ALCAM: variants seen among roughly 807,000 people sequenced by gnomAD.
The protein encoded by ALCAM is activated leukocyte cell adhesion molecule.
ALCAM carries 30 observed loss-of-function variants against 70.9 expected under a neutral mutation model. The ratio of observed to expected loss-of-function variants is 0.42; its 90% CI spans 0.32 to 0.57. The LOEUF (loss-of-function observed/expected upper bound fraction) is 0.57. ALCAM is among the 20% of genes least tolerant of loss of function. The pLI is 0.11. For synonymous variants in ALCAM, 249 were observed against 242.5 expected (o/e 1.03, Z -0.25); for missense variants, 591 against 695.1 (o/e 0.85, Z 1.68).
intron 2 of ALCAM, 93 bp downstream of exon 2, chr3:105,520,260 A>G (rs964526613): frequency 1.1e-6 from 1 of 899,342 alleles, no homozygotes; most frequent in Non-Finnish European, 1.8e-6. Context: ...AATTAACCTA[A>G]ATGCAATATT....
intron 14 of ALCAM, among the ~76,000 whole-genome samples, chr3:105,565,253 T>C (rs1321518525): frequency 6.6e-6 from 1 of 152,230 alleles, no homozygotes; most frequent in Non-Finnish European, 1.5e-5. Flanking sequence ...CCTTTCTTCA[T>C]AAGACTCCTG....
chr3:105,541,817 C>T (rs749259179), intron 8 of ALCAM, 52 bp downstream of exon 8: 15 of 1,589,598 alleles, frequency 9.4e-6, no homozygotes, highest in South Asian at 1.1e-5. Context: ...CTTCTAATAG[C>T]TTAATGTAGC....
At chr3:105,500,162 A>G (rs1420002468) in intron 1 of ALCAM, among the ~76,000 whole-genome samples, 1 of 151,764 alleles carries the variant, frequency 6.6e-6, no homozygotes, top group African/African-American at 2.4e-5. Flanking sequence ...ATTTACCACC[A>G]GTTTCCACAT....
At position 105,545,262 on chromosome 3, in the gene ALCAM, G is replaced by C. The variant is rs1940216209; in HGVS notation, c.1031G>C (p.Arg344Thr). The C allele has an allele frequency of 6.2e-7, 1 of 1,609,152 alleles. No individual in the cohort carries two copies. The highest frequency in any genetic ancestry group is 8.5e-7 in the Non-Finnish European group (1 of 1,176,486). The change falls in exon 9 of 16, where the codon AGA (arginine) becomes ACA (threonine). Residue 344 changes from arginine to threonine, a missense_variant. Transcript: ENST00000306107. ...TTAAACCCAAGTGGAGAAGTGACTA[G>C]ACAGATTGGTGATGCCCTACCCGTG... ...LSLNPSGEVT[R>T]QIGDALPVSC...
Position 105,407,759 on chromosome 3 carries a change from A to C in ALCAM, c.73+40278A>C, listed in dbSNP as rs1473486838. On this transcript the variant is annotated intron_variant, in intron 1 of 15. Coordinates refer to ENST00000306107, the MANE Select transcript of ALCAM (RefSeq NM_001627.4). ...AGAAAGAAATAAAGGGCATCCGAAG[A>C]GGAAGTCAAACTGTCACTGTGTGCT... Among the ~76,000 whole-genome samples, 4 of 152,176 alleles carry C rather than the reference A, an allele frequency of 2.6e-5. No homozygotes were observed. In the East Asian group the frequency reaches 7.7e-4, roughly 29 times the overall value.
intron 1 of ALCAM, among the ~76,000 whole-genome samples, chr3:105,401,007 C>T (rs1029504003): frequency 1.3e-5 from 2 of 152,150 alleles, no homozygotes; most frequent in African/African-American, 2.4e-5. Context: ...AAGACTCTTA[C>T]TATTAAAGAA....
intron 1 of ALCAM, among the ~76,000 whole-genome samples, chr3:105,472,065 G>A (rs1937948178): frequency 6.6e-6 from 1 of 151,380 alleles, no homozygotes; most frequent in East Asian, 1.9e-4. Flanking sequence ...TTCTGTGCCT[G>A]GCTTATTTCA....
chr3:105,393,834 G>T (rs1378404976), intron 1 of ALCAM, among the ~76,000 whole-genome samples: 1 of 151,446 alleles, frequency 6.6e-6, no homozygotes, highest in Non-Finnish European at 1.5e-5. Context: ...TACAACAGAA[G>T]AACAAAACAA....
Position 105,550,180 on chromosome 3 carries a change from C to A in ALCAM, c.1428C>A (p.Ser476=), listed in dbSNP as rs1940357954. The A allele has an allele frequency of 6.2e-7, 1 of 1,600,736 alleles. No individual in the cohort carries two copies. The highest frequency in any genetic ancestry group is 1.1e-5 in the South Asian group (1 of 90,492). Residue 476 remains serine (S), a synonymous_variant, in exon 12 of 16, where the codon TCC becomes TCA. Transcript: ENST00000306107. ...GGTATTATAGTAAAATTATCATTTCCCCTGAAGAGAATGTTACATTAACTT... is the reference window on the plus strand; with the variant it reads ...GGTATTATAGTAAAATTATCATTTCACCTGAAGAGAATGTTACATTAACTT... ...NGRYYSKIII[S]PEENVTLTCT...
At chr3:105,374,538 C>T (rs949688218) in intron 1 of ALCAM, among the ~76,000 whole-genome samples, 4 of 151,902 alleles carry the variant, frequency 2.6e-5, no homozygotes, top group South Asian at 2.1e-4. Flanking sequence ...GTTTTTGAGA[C>T]GGTGTCTCGC....
At chr3:105,560,574 G>A (rs1368911014) in intron 14 of ALCAM, among the ~76,000 whole-genome samples, 4 of 151,922 alleles carry the variant, frequency 2.6e-5, no homozygotes, top group South Asian at 2.1e-4. Context: ...TATTATGTTC[G>A]TGCTTTTTGT....
At chr3:105,402,362 A>C (rs1415442969) in intron 1 of ALCAM, among the ~76,000 whole-genome samples, 1 of 152,144 alleles carries the variant, frequency 6.6e-6, no homozygotes, top group South Asian at 2.1e-4. Context: ...GCAGGAACAT[A>C]CCAGGAAAGC....
At chr3:105,498,503 G>T (rs1352005875) in intron 1 of ALCAM, among the ~76,000 whole-genome samples, 1 of 151,900 alleles carries the variant, frequency 6.6e-6, no homozygotes, top group African/African-American at 2.4e-5. Flanking sequence ...TGCCAAATGT[G>T]TGTGTGTGTG....
chr3:105,527,969 G>T (rs1240643810), intron 3 of ALCAM, among the ~76,000 whole-genome samples: 1 of 152,148 alleles, frequency 6.6e-6, no homozygotes, highest in African/African-American at 2.4e-5. Flanking sequence ...ATCTACACCA[G>T]ATATTTCATT....
chr3:105,495,472 G>T (rs1480538619), intron 1 of ALCAM, among the ~76,000 whole-genome samples: 1 of 152,038 alleles, frequency 6.6e-6, no homozygotes, highest in Admixed American at 6.5e-5. Flanking sequence ...ATGAAGATGG[G>T]TATAGACAGA....
intron 4 of ALCAM, 39 bp downstream of exon 4, chr3:105,532,105 T>C: frequency 6.6e-7 from 1 of 1,525,604 alleles, no homozygotes; most frequent in South Asian, 1.1e-5. Flanking sequence ...ATTTAGCCAG[T>C]GTTGTAAGTG....
intron 1 of ALCAM, among the ~76,000 whole-genome samples, chr3:105,481,234 A>G (rs140001680): frequency 5.3e-4 from 80 of 152,254 alleles, no homozygotes; most frequent in African/African-American, 1.7e-3. Context: ...TGGCTCCTAT[A>G]TAAGACACAT....
At chr3:105,435,813 C>T (rs540859249) in intron 1 of ALCAM, among the ~76,000 whole-genome samples, 11 of 151,852 alleles carry the variant, frequency 7.2e-5, no homozygotes, top group African/African-American at 1.9e-4. Flanking sequence ...TTTTTTGAGA[C>T]GGAGTCTCGC....
chr3:105,384,219 A>G (rs1317718620), intron 1 of ALCAM, among the ~76,000 whole-genome samples: 1 of 151,626 alleles, frequency 6.6e-6, no homozygotes, highest in Admixed American at 6.6e-5. Flanking sequence ...TGAAAAATAA[A>G]CCTTGTGCTC....
Sources: allele counts gnomAD v4.1 joint callset (sites outside exome capture counted in the v4.1 genomes callset), GRCh38; gene constraint gnomAD v4.1.1; transcripts MANE v1.5; gene names NCBI Gene and HGNC (gene_info 2026-07-23, HGNC 2026-07-21).